Variants in ATF7 observed in about 807,000 individuals in gnomAD.
ATF7 encodes activating transcription factor 7, also known as cyclic AMP-dependent transcription factor ATF-7.
A neutral mutation model predicts 50.4 loss-of-function variants in ATF7; 10 were observed. The observed-to-expected ratio is 0.20, with a 90% CI of 0.12 to 0.34. The LOEUF is 0.34. Among genes scored for constraint, ATF7 ranks in the 10% least tolerant of loss-of-function variants. The probability of loss-of-function intolerance (pLI) is 1.00; values close to 1 mark genes in which losing one functional copy is unlikely to be tolerated. For synonymous variants in ATF7, 201 were observed against 226.4 expected (o/e 0.89, Z 1.01); for missense variants, 465 against 613.9 (o/e 0.76, Z 2.56).
intron 3 of ATF7, among the ~76,000 whole-genome samples, chr12:53,548,569 G>A (rs557548247): frequency 6.6e-6 from 1 of 152,302 alleles, no homozygotes; most frequent in East Asian, 1.9e-4. Context: ...CTGGGCTCAA[G>A]TGATCCTCCT....
chr12:53,523,838 G>A (rs1470046771), intron 10 of ATF7, among the ~76,000 whole-genome samples: 1 of 151,900 alleles, frequency 6.6e-6, no homozygotes, highest in Non-Finnish European at 1.5e-5. Flanking sequence ...AAAAGAATGA[G>A]GTAGATCTCC....
intron 5 of ATF7, among the ~76,000 whole-genome samples, chr12:53,535,245 G>T (rs1939145282): frequency 6.6e-6 from 1 of 151,718 alleles, no homozygotes; most frequent in Non-Finnish European, 1.5e-5. Context: ...CTGATGAAAA[G>T]GGAGGAGAGA....
intron 1 of ATF7, among the ~76,000 whole-genome samples, chr12:53,620,539 G>A (rs1944335100): frequency 7.3e-6 from 1 of 136,474 alleles, no homozygotes; most frequent in South Asian, 2.2e-4. Context: ...TCCCGCCACT[G>A]CACTCCAGCC....
chr12:53,526,360 G>T lies in ATF7; in HGVS notation c.928-1599C>A, dbSNP rs567352755. ...CTCCTCAATGCGAAGATGATGAGGA[G>T]GATGAAGACTTTTATGATACTCCAC... On this transcript the variant is annotated intron_variant, in intron 9 of 11. Coordinates refer to ENST00000420353, the MANE Select transcript of ATF7 (RefSeq NM_006856.3). Among the ~76,000 whole-genome samples the T allele has an allele frequency of 6.6e-5, 10 of 151,868 alleles. 1 individual carries two copies. The highest frequency in any genetic ancestry group is 4.2e-4 in the South Asian group (2 of 4,790).
chr12:53,595,530 T>C (rs1230709313), intron 2 of ATF7, among the ~76,000 whole-genome samples: 3 of 152,180 alleles, frequency 2.0e-5, no homozygotes, highest in East Asian at 1.9e-4. Flanking sequence ...ATAAAACATA[T>C]ACCTTTGCAG....
intron 9 of ATF7, among the ~76,000 whole-genome samples, chr12:53,528,620 G>A (rs754539378): frequency 2.4e-4 from 36 of 152,166 alleles, no homozygotes; most frequent in Admixed American, 1.8e-3. Context: ...AAAATTAGCT[G>A]GGCATGATAG....
chr12:53,525,221 C>T (rs1592782733), intron 9 of ATF7, among the ~76,000 whole-genome samples: 1 of 152,120 alleles, frequency 6.6e-6, no homozygotes, highest in Non-Finnish European at 1.5e-5. Context: ...GGTATGGTGG[C>T]GTATGCCTGT....
At chr12:53,578,367 C>CA (rs56914905) in intron 2 of ATF7, among the ~76,000 whole-genome samples, 40,333 of 107,248 alleles carry the variant, frequency 0.38, 8,234 homozygotes, top group Non-Finnish European at 0.49. Flanking sequence ...GATCTTCTCT[C>CA]AAAAAAAAAA....
chr12:53,538,282 T>C (rs564391520), intron 4 of ATF7, among the ~76,000 whole-genome samples: 2 of 152,196 alleles, frequency 1.3e-5, no homozygotes, highest in Admixed American at 1.3e-4. Context: ...GATTACCCAA[T>C]TACCAAAAGC....
rs1228722427 is a variant in ATF7, at chr12:53,537,686, T to C, written c.265-134A>G. The C allele has an allele frequency of 2.9e-6, 3 of 1,031,380 alleles. No individual in the cohort carries two copies. In the East Asian group the frequency reaches 7.9e-5, roughly 27 times the overall value. 63.9% of individuals were successfully genotyped at this position (1,031,380 alleles called of 1,614,324 possible). On this transcript the variant is annotated intron_variant, in intron 4 of 11. Coordinates refer to ENST00000420353, the MANE Select transcript of ATF7 (RefSeq NM_006856.3). ...CTTATACAATGCACTGAACTGCATGTCAAATAAATGTGGGCCCCTTATGTT... is the reference window on the plus strand; with the variant it reads ...CTTATACAATGCACTGAACTGCATGCCAAATAAATGTGGGCCCCTTATGTT...
chr12:53,548,816 T>C (rs1230771177), intron 3 of ATF7, among the ~76,000 whole-genome samples: 2 of 151,790 alleles, frequency 1.3e-5, no homozygotes, highest in African/African-American at 2.4e-5. Flanking sequence ...GAACCCATCT[T>C]TACAAAAAAT....
rs1358959144 is a variant in ATF7, at chr12:53,534,162, A to G, written c.560+340T>C. The stretch of plus-strand genomic sequence containing the variant: ...CGTGGTTGCAGGCGCCTGTGTTCCC[A>G]GCTACTCGGGAGGCTGAGGCAGGAG... On this transcript the variant is annotated intron_variant, in intron 6 of 11. Coordinates refer to ENST00000420353, the MANE Select transcript of ATF7 (RefSeq NM_006856.3). Among the ~76,000 whole-genome samples, 4 of 152,100 alleles carry G rather than the reference A, an allele frequency of 2.6e-5. No homozygotes were observed. The East Asian group carries it at 7.7e-4, about 29-fold the overall frequency.
At chr12:53,609,632 T>C (rs902940086) in intron 1 of ATF7, among the ~76,000 whole-genome samples, 4 of 148,158 alleles carry the variant, frequency 2.7e-5, no homozygotes, top group African/African-American at 7.6e-5. Context: ...GGTGATAGAC[T>C]GGGACTCTTA....
At chr12:53,553,296 C>T (rs954653445) in intron 2 of ATF7, among the ~76,000 whole-genome samples, 2 of 152,068 alleles carry the variant, frequency 1.3e-5, no homozygotes, top group African/African-American at 2.4e-5. Flanking sequence ...TCGGGCAGCC[C>T]GCCTGGGCTC....
At chr12:53,562,479 A>T (rs1261923098) in intron 2 of ATF7, among the ~76,000 whole-genome samples, 1 of 151,974 alleles carries the variant, frequency 6.6e-6, no homozygotes, top group African/African-American at 2.4e-5. Flanking sequence ...GTCTCTACTT[A>T]AAAAATACAA....
chr12:53,511,778 G>A (rs1944134379), downstream of ATF7, among the ~76,000 whole-genome samples: 1 of 152,220 alleles, frequency 6.6e-6, no homozygotes, highest in African/African-American at 2.4e-5. Context: ...TAAGTTTCCT[G>A]TGAGTACTTG....
At chr12:53,579,098 A>T (rs1354433686) in intron 2 of ATF7, among the ~76,000 whole-genome samples, 3 of 151,896 alleles carry the variant, frequency 2.0e-5, no homozygotes, top group African/African-American at 4.8e-5. Context: ...TACAAAAAAA[A>T]TTAGTCAGGC....
At chr12:53,597,269 A>T (rs1244316755) in intron 2 of ATF7, among the ~76,000 whole-genome samples, 2 of 152,170 alleles carry the variant, frequency 1.3e-5, no homozygotes, top group Non-Finnish European at 2.9e-5. Flanking sequence ...TCATGAACAG[A>T]ATCCAAAAAT....
Position 53,542,962 on chromosome 12 carries a change from GAA to G in ATF7, c.264+366_264+367del, listed in dbSNP as rs1157548726. The G allele has an allele frequency of 9.6e-6, 11 of 1,142,454 alleles. No homozygotes were observed. The East Asian group carries it at 4.2e-4, about 44-fold the overall frequency. 70.8% of individuals were successfully genotyped at this position (1,142,454 alleles called of 1,614,324 possible). On this transcript the variant is annotated intron_variant, in intron 4 of 11. Coordinates refer to ENST00000420353, the MANE Select transcript of ATF7 (RefSeq NM_006856.3). ...GTAGCTGAGAAGTCTGATCAGCTCA[GAA>G]AAGAGTGGAATTTGGCAACAAATAT...
Sources: allele counts gnomAD v4.1 joint callset (sites outside exome capture counted in the v4.1 genomes callset), GRCh38; gene constraint gnomAD v4.1.1; transcripts MANE v1.5; gene names NCBI Gene and HGNC (gene_info 2026-07-23, HGNC 2026-07-21).